Variants in RABGAP1L observed in about 807,000 individuals in gnomAD.
RABGAP1L encodes RAB GTPase activating protein 1 like.
In RABGAP1L, 63 loss-of-function variants were observed where a neutral mutation model predicts 137.7. That is an observed-to-expected ratio of 0.46 (90% confidence interval 0.37 to 0.56). The LOEUF (loss-of-function observed/expected upper bound fraction) is 0.56, where lower values mean the gene tolerates loss of function less well. RABGAP1L is among the 20% of genes least tolerant of loss of function. RABGAP1L has a pLI of 0.00. For missense variants in RABGAP1L, 1,095 were observed against 1,244.0 expected (o/e 0.88, Z 1.80); for synonymous variants, 431 against 433.7 (o/e 0.99, Z 0.08).
intron 13 of RABGAP1L, among the ~76,000 whole-genome samples, chr1:174,619,206 A>G (rs1672204671): frequency 6.6e-5 from 10 of 152,222 alleles, no homozygotes; most frequent in Admixed American, 6.5e-4. Context: ...ACCAAGTTGG[A>G]AAACACTCTG....
At chr1:174,259,862 T>C (rs1673437873) in intron 7 of RABGAP1L, among the ~76,000 whole-genome samples, 1 of 148,476 alleles carries the variant, frequency 6.7e-6, no homozygotes, top group African/African-American at 2.5e-5. Context: ...TGAGACAGAG[T>C]CTCACTCTGT....
At chr1:174,353,713 CAA>C (rs1460118389) in intron 11 of RABGAP1L, among the ~76,000 whole-genome samples, 1 of 152,156 alleles carries the variant, frequency 6.6e-6, no homozygotes, top group African/African-American at 2.4e-5. Flanking sequence ...AGTTCCAATG[CAA>C]AGTTTCACAG....
chr1:174,893,640 T>C (rs1208299648), intron 19 of RABGAP1L, among the ~76,000 whole-genome samples: 1 of 152,184 alleles, frequency 6.6e-6, no homozygotes, highest in Non-Finnish European at 1.5e-5. Context: ...CTACAAGCCT[T>C]TTAGATAGAT....
chr1:174,160,078 C>G (rs1379705720), intron 1 of RABGAP1L: 3 of 152,250 alleles, frequency 2.0e-5, no homozygotes, highest in African/African-American at 7.2e-5. Flanking sequence ...TATTTTCTTA[C>G]CCACACGCAG....
intron 11 of RABGAP1L, among the ~76,000 whole-genome samples, chr1:174,363,025 G>C (rs1247030418): frequency 7.0e-6 from 1 of 143,532 alleles, no homozygotes; most frequent in Non-Finnish European, 1.6e-5. Flanking sequence ...TTATCCCAGT[G>C]CCATTTATTG....
chr1:174,912,261 C>T (rs1660171119), intron 19 of RABGAP1L, among the ~76,000 whole-genome samples: 1 of 152,110 alleles, frequency 6.6e-6, no homozygotes, highest in African/African-American at 2.4e-5. Flanking sequence ...CCTGCCTCAG[C>T]CTTCTGAGTA....
Position 174,278,356 on chromosome 1 carries a change from AG to A in RABGAP1L, c.1157-256del, listed in dbSNP as rs1675186633. Reference sequence around the variant, plus strand: ...TGGAGGCGGAGGTTGCAGTGAGCCAAGATCGCTCCATTGTACTCCAGCCTGG... The same window carrying A: ...TGGAGGCGGAGGTTGCAGTGAGCCAAATCGCTCCATTGTACTCCAGCCTGG... On this transcript the variant is annotated intron_variant, in intron 9 of 25. Coordinates refer to ENST00000681986, the MANE Select transcript of RABGAP1L (RefSeq NM_001366446.1). Among the ~76,000 whole-genome samples, 12 of 152,362 alleles carry A rather than the reference AG, an allele frequency of 7.9e-5. 1 individual carries two copies. The South Asian group carries it at 2.5e-3, about 32-fold the overall frequency.
intron 12 of RABGAP1L, among the ~76,000 whole-genome samples, chr1:174,372,739 G>A (rs1042334315): frequency 6.6e-6 from 1 of 152,004 alleles, no homozygotes; most frequent in Admixed American, 6.6e-5. Flanking sequence ...ATTTTCACAT[G>A]GAGCACCAAT....
intron 18 of RABGAP1L, among the ~76,000 whole-genome samples, chr1:174,789,553 A>G (rs998531224): frequency 6.6e-6 from 1 of 152,124 alleles, no homozygotes; most frequent in Non-Finnish European, 1.5e-5. Context: ...TGTAAGCTAA[A>G]TTTACTCAGC....
chr1:174,294,540 T>A (rs1459843927), intron 10 of RABGAP1L, among the ~76,000 whole-genome samples: 5 of 152,260 alleles, frequency 3.3e-5, no homozygotes, highest in Non-Finnish European at 7.4e-5. Context: ...TATCCTCAGG[T>A]ACGGAGGAAC....
At chr1:174,713,104 C>T (rs1384446477) in intron 17 of RABGAP1L, among the ~76,000 whole-genome samples, 1 of 152,168 alleles carries the variant, frequency 6.6e-6, no homozygotes, top group Non-Finnish European at 1.5e-5. Context: ...CTTCCTTGCC[C>T]CCATACTATA....
intron 19 of RABGAP1L, among the ~76,000 whole-genome samples, chr1:174,931,990 GTTTTTTTTT>G (rs532860564): frequency 2.9e-5 from 2 of 69,650 alleles, no homozygotes; most frequent in Admixed American, 1.9e-4. Context: ...TGCTTTTTTG[GTTTTTTTTT>G]TTTTTTTTTT....
chr1:174,269,619 GATA>G, intron 7 of RABGAP1L, among the ~76,000 whole-genome samples: 1 of 152,246 alleles, frequency 6.6e-6, no homozygotes, highest in African/African-American at 2.4e-5. Context: ...CTATTATTAT[GATA>G]ATAATTGATA....
intron 13 of RABGAP1L, among the ~76,000 whole-genome samples, chr1:174,420,897 G>A (rs567939401): frequency 1.9e-4 from 29 of 152,070 alleles, no homozygotes; most frequent in Admixed American, 9.2e-4. Flanking sequence ...GGATGGTCTC[G>A]ATCTCCTGAC....
intron 13 of RABGAP1L, among the ~76,000 whole-genome samples, chr1:174,543,043 TGTG>T (rs1248006488): frequency 4.6e-5 from 7 of 152,178 alleles, no homozygotes; most frequent in Admixed American, 3.9e-4. Context: ...ATAAGGGTGA[TGTG>T]GTGCTGAGAA....
At chr1:174,498,589 T>A (rs907747369) in intron 13 of RABGAP1L, among the ~76,000 whole-genome samples, 1 of 152,008 alleles carries the variant, frequency 6.6e-6, no homozygotes, top group Non-Finnish European at 1.5e-5. Flanking sequence ...CTCTGCCTCC[T>A]GGGTTCAGAT....
chr1:174,162,753 C>CTTTTTTT (rs971302832), intron 1 of RABGAP1L, among the ~76,000 whole-genome samples: 1 of 37,182 alleles, frequency 2.7e-5, no homozygotes, highest in Non-Finnish European at 5.9e-5. Flanking sequence ...GCTGGTATTT[C>CTTTTTTT]TTTTTTTTTT....
chr1:174,489,637 T>C (rs533559347), intron 13 of RABGAP1L, among the ~76,000 whole-genome samples: 6 of 152,276 alleles, frequency 3.9e-5, no homozygotes, highest in African/African-American at 1.4e-4. Context: ...CTCAAGGATC[T>C]AGAACTAGAA....
intron 1 of RABGAP1L, among the ~76,000 whole-genome samples, chr1:174,201,410 C>G (rs890818046): frequency 1.3e-5 from 2 of 151,994 alleles, no homozygotes; most frequent in Admixed American, 1.3e-4. Flanking sequence ...GTTGGTTAGT[C>G]TAGTCTCGAA....
Sources: allele counts gnomAD v4.1 joint callset (sites outside exome capture counted in the v4.1 genomes callset), GRCh38; gene constraint gnomAD v4.1.1; transcripts MANE v1.5; gene names NCBI Gene and HGNC (gene_info 2026-07-23, HGNC 2026-07-21).